Variants in EXOC4 observed in about 807,000 individuals in gnomAD.
EXOC4 encodes exocyst complex component 4, also known as SEC8-like 1.
In EXOC4, 71 loss-of-function variants were observed where a neutral mutation model predicts 107.2. The ratio of observed to expected loss-of-function variants is 0.66; its 90% CI spans 0.55 to 0.81. The LOEUF (loss-of-function observed/expected upper bound fraction) is 0.81, where lower values mean the gene tolerates loss of function less well. Among genes scored for constraint, EXOC4 ranks in the 30% least tolerant of loss-of-function variants. EXOC4 has a pLI of 0.00. For synonymous variants in EXOC4, 456 were observed against 441.2 expected (o/e 1.03, Z -0.42); for missense variants, 1,108 against 1,189.6 (o/e 0.93, Z 1.01).
At chr7:133,914,883 C>T (rs368003132) in intron 12 of EXOC4, among the ~76,000 whole-genome samples, 1 of 152,134 alleles carries the variant, frequency 6.6e-6, no homozygotes, top group East Asian at 1.9e-4. Flanking sequence ...TCTACAAGAA[C>T]TACCAAAGAA....
chr7:133,910,450 G>C (rs1254867282), intron 12 of EXOC4, among the ~76,000 whole-genome samples: 2 of 152,168 alleles, frequency 1.3e-5, no homozygotes, highest in Non-Finnish European at 2.9e-5. Context: ...CTTCTCCAGA[G>C]TTATCAGAAG....
At chr7:133,901,560 G>T (rs1302340169) in intron 12 of EXOC4, among the ~76,000 whole-genome samples, 6 of 152,096 alleles carry the variant, frequency 3.9e-5, no homozygotes, top group Non-Finnish European at 5.9e-5. Context: ...TTCCTCATCT[G>T]CAAAAAGGTA....
intron 9 of EXOC4, among the ~76,000 whole-genome samples, chr7:133,592,012 C>T (rs1201762658): frequency 2.0e-5 from 3 of 152,130 alleles, no homozygotes; most frequent in African/African-American, 7.2e-5. Context: ...GAAAAGTATG[C>T]CAACATGTGA....
At chr7:133,318,154 C>T (rs1424397800) in intron 5 of EXOC4, among the ~76,000 whole-genome samples, 1 of 152,212 alleles carries the variant, frequency 6.6e-6, no homozygotes, top group African/African-American at 2.4e-5. Context: ...GTGCATGCAT[C>T]CACGTGTGCA....
At chr7:133,330,947 T>C (rs1795370564) in intron 5 of EXOC4, among the ~76,000 whole-genome samples, 1 of 152,012 alleles carries the variant, frequency 6.6e-6, no homozygotes, top group South Asian at 2.1e-4. Context: ...AGGTTTTTTT[T>C]TTTTTAAATA....
intron 9 of EXOC4, among the ~76,000 whole-genome samples, chr7:133,554,741 C>T (rs569289891): frequency 6.6e-6 from 1 of 152,282 alleles, no homozygotes; most frequent in Non-Finnish European, 1.5e-5. Context: ...TTAGATGTAA[C>T]AATTGGCACA....
At chr7:133,383,179 A>G (rs1796656163) in intron 7 of EXOC4, among the ~76,000 whole-genome samples, 3 of 152,212 alleles carry the variant, frequency 2.0e-5, no homozygotes, top group South Asian at 2.1e-4. Flanking sequence ...AGAAATACAA[A>G]ATATTCAATC....
Position 133,744,817 on chromosome 7 carries a change from C to A in EXOC4, c.1515-72508C>A, listed in dbSNP as rs189511198. Among the ~76,000 whole-genome samples, 99 of 152,232 alleles carry A rather than the reference C, an allele frequency of 6.5e-4. 2 individuals are homozygous for A. Among genetic ancestry groups the A allele is most frequent in the Middle Eastern group, 3.4e-3 (1 of 294 alleles). On this transcript the variant is annotated intron_variant, in intron 10 of 17. Coordinates refer to ENST00000253861, the MANE Select transcript of EXOC4 (RefSeq NM_021807.4). ...CGCAGAAAATGCTTGATTCTATACA[C>A]CCTTTAGCTAAGGCCAATGAATTGC...
In EXOC4 at chr7:133,866,937, G is replaced by A. The variant is rs77248787; in HGVS notation, c.1735-28662G>A. Among the ~76,000 whole-genome samples the A allele has an allele frequency of 4.7e-3, 713 of 152,292 alleles. 4 individuals are homozygous for A. The highest frequency in any genetic ancestry group is 0.017 in the African/African-American group (686 of 41,560). ...ATGCGCATGCCCTCTCTCCTGAAATGGATTCTGTCCATCGTCGTCTTTGCT... is the reference window on the plus strand; with the variant it reads ...ATGCGCATGCCCTCTCTCCTGAAATAGATTCTGTCCATCGTCGTCTTTGCT... On this transcript the variant is annotated intron_variant, in intron 11 of 17. Transcript: ENST00000253861.
chr7:133,615,634 G>A (rs1020039212), intron 9 of EXOC4, among the ~76,000 whole-genome samples: 12 of 152,074 alleles, frequency 7.9e-5, no homozygotes, highest in Admixed American at 5.9e-4. Context: ...CTCTATTGGT[G>A]GAGTGGTGCT....
chr7:134,023,651 T>C (rs1795075157), intron 17 of EXOC4, among the ~76,000 whole-genome samples: 1 of 152,188 alleles, frequency 6.6e-6, no homozygotes, highest in Admixed American at 6.5e-5. Flanking sequence ...TGATTCAAAG[T>C]CAGGTCTATC....
At chr7:133,897,809 A>G (rs1450091137) in intron 12 of EXOC4, among the ~76,000 whole-genome samples, 1 of 152,138 alleles carries the variant, frequency 6.6e-6, no homozygotes, top group Non-Finnish European at 1.5e-5. Context: ...AATCTGATTC[A>G]CATATCCATT....
intron 10 of EXOC4, among the ~76,000 whole-genome samples, chr7:133,658,508 A>G (rs1803355512): frequency 6.6e-6 from 1 of 152,184 alleles, no homozygotes; most frequent in Non-Finnish European, 1.5e-5. Context: ...CCCATGCCCC[A>G]AAAGTACATG....
In EXOC4 at chr7:134,064,661, T is replaced by C. The variant is rs1051858430; in HGVS notation, c.*133T>C. 3.2e-5 allele frequency: 19 copies of C among 598,684 alleles called. No individual in the cohort carries two copies. Among genetic ancestry groups the C allele is most frequent in the African/African-American group, 2.8e-4 (15 of 53,228 alleles). 37.1% of individuals were successfully genotyped at this position (598,684 alleles called of 1,614,324 possible). A position where few individuals can be genotyped will look rare whatever the true frequency, so the allele number is the denominator to read the frequency against. On this transcript the variant is annotated 3_prime_UTR_variant, in exon 18 of 18. Transcript: ENST00000253861. Reference sequence around the variant, plus strand: ...TAGTGGAGAGGAGGTGTAAGGATTCTTTCTCTCTGGTTTTGGCTTTTCATA... The same window carrying C: ...TAGTGGAGAGGAGGTGTAAGGATTCCTTCTCTCTGGTTTTGGCTTTTCATA...
At chr7:133,826,992 A>G (rs2151232401) in intron 11 of EXOC4, among the ~76,000 whole-genome samples, 1 of 152,288 alleles carries the variant, frequency 6.6e-6, no homozygotes, top group South Asian at 2.1e-4. Flanking sequence ...TTCCCTGAGT[A>G]CCTTACCATG....
intron 1 of EXOC4, among the ~76,000 whole-genome samples, chr7:133,271,284 A>G (rs1793864714): frequency 6.6e-6 from 1 of 152,146 alleles, no homozygotes. Context: ...ACAAACATTT[A>G]TTGTCTGAGA....
At chr7:134,038,861 G>A (rs1373654219) in intron 17 of EXOC4, among the ~76,000 whole-genome samples, 1 of 152,158 alleles carries the variant, frequency 6.6e-6, no homozygotes, top group Non-Finnish European at 1.5e-5. Context: ...CTAGGTCTAG[G>A]TCAGGATGCT....
At chr7:133,612,120 G>A in intron 9 of EXOC4, among the ~76,000 whole-genome samples, 1 of 152,038 alleles carries the variant, frequency 6.6e-6, no homozygotes, top group African/African-American at 2.4e-5. Flanking sequence ...AAAACACTTA[G>A]GATATATTAT....
chr7:133,916,807 A>G (rs1799818825), intron 12 of EXOC4, among the ~76,000 whole-genome samples: 1 of 152,180 alleles, frequency 6.6e-6, no homozygotes, highest in Non-Finnish European at 1.5e-5. Context: ...GTCACCTAGT[A>G]TTGCTGACGA....
Sources: gnomAD v4.1 joint callset for allele counts (sites outside exome capture counted in the v4.1 genomes callset) on GRCh38, gnomAD v4.1.1 for gene constraint, MANE v1.5 for transcripts, NCBI Gene and HGNC (gene_info 2026-07-23, HGNC 2026-07-21) for gene names.